NPHP4: variants seen among roughly 807,000 people sequenced by gnomAD.
NPHP4 encodes nephrocystin 4, also known as nephrocystin-4.
NPHP4 carries 151 observed loss-of-function variants against 155.8 expected under a neutral mutation model. That is an observed-to-expected ratio of 0.97 (90% CI 0.85 to 1.11). The LOEUF is 1.11. Ranked by LOEUF, NPHP4 falls within the 50% of genes least tolerant of loss-of-function variation. The probability of loss-of-function intolerance (pLI) is 0.00; values close to 1 mark genes in which losing one functional copy is unlikely to be tolerated. For missense variants in NPHP4, 1,956 were observed against 1,925.7 expected (o/e 1.02, Z -0.29); for synonymous variants, 845 against 816.8 (o/e 1.03, Z -0.59).
intron 1 of NPHP4, among the ~76,000 whole-genome samples, chr1:5,991,752 A>C (rs181483849): frequency 0.049 from 7,260 of 148,818 alleles, 274 homozygotes; most frequent in African/African-American, 0.11. Context: ...GGGAACTGAC[A>C]GCCGGAGCCG....
At chr1:5,985,709 G>A (rs1655372677) in intron 2 of NPHP4, among the ~76,000 whole-genome samples, 1 of 152,236 alleles carries the variant, frequency 6.6e-6, no homozygotes, top group Non-Finnish European at 1.5e-5. Context: ...TCCGAATACT[G>A]CCAAGGCCCA....
At chr1:5,863,846 C>G in intron 29 of NPHP4, 44 bp downstream of exon 29, 1 of 1,606,940 alleles carries the variant, frequency 6.2e-7, no homozygotes, top group Non-Finnish European at 8.5e-7. Context: ...CCATTCAGGT[C>G]CCCGGGTCTT....
chr1:5,874,236 A>G (rs974674711), intron 22 of NPHP4, among the ~76,000 whole-genome samples: 1 of 152,068 alleles, frequency 6.6e-6, no homozygotes, highest in Admixed American at 6.5e-5. Flanking sequence ...AGTAAAGAAA[A>G]TTAGGAGGAG....
In NPHP4 at chr1:5,867,886, C is replaced by A. The variant is rs747973596; in HGVS notation, c.3326G>T (p.Arg1109Leu). ...VPTKHAKVLF[R>L]ASGGKPIAVL... ...GGCGATGGGCTTGCCACCACTCGCT[C>A]GGAACAAGACCTGTGAGGAGGCCAC... Residue 1109 changes from arginine to leucine, a missense_variant, in exon 24 of 30, where the codon CGA (arginine) becomes CTA (leucine). By Grantham distance (102) the Arg-to-Leu change is moderately radical. Coordinates refer to ENST00000378156, the MANE Select transcript of NPHP4 (RefSeq NM_015102.5). This position sits in a 1 kb window ranked among gnomAD's most constrained non-coding sequence, Gnocchi z 4.1. 1 of 1,613,914 alleles carries A rather than the reference C, an allele frequency of 6.2e-7. No individual in the cohort carries two copies. The highest frequency in any genetic ancestry group is 8.5e-7 in the Non-Finnish European group (1 of 1,179,880).
At chr1:5,922,910 A>C (rs1232741190) in intron 11 of NPHP4, among the ~76,000 whole-genome samples, 1 of 152,150 alleles carries the variant, frequency 6.6e-6, no homozygotes, top group African/African-American at 2.4e-5. Context: ...AGGCGGGTGG[A>C]TTGCTTGAGC....
chr1:5,950,966 C>A (rs1475379991), intron 7 of NPHP4, among the ~76,000 whole-genome samples: 1 of 152,238 alleles, frequency 6.6e-6, no homozygotes, highest in Non-Finnish European at 1.5e-5. Context: ...CCACTGCAGA[C>A]AGCCTCCCAC....
At position 5,978,400 on chromosome 1, in the gene NPHP4, AC is replaced by A; in HGVS notation, c.148del (p.Val50TyrfsTer30). ...CAGATGGCATTCAACCTCTGACAGT[AC>A]CTCCAGCACGCCCTAGGAGACAACG... The part of the protein sequence containing the change: ...GPVIRQGVLE[V>X]LSEVECHLRV... On this transcript the variant is annotated frameshift_variant, in exon 3 of 30. Coordinates refer to ENST00000378156, the MANE Select transcript of NPHP4 (RefSeq NM_015102.5). LOFTEE classifies it high-confidence loss of function. 6.2e-7 allele frequency: 1 copy of A among 1,603,754 alleles called. No individual in the cohort carries two copies. The highest frequency in any genetic ancestry group is 8.5e-7 in the Non-Finnish European group (1 of 1,175,364).
At chr1:5,868,046 G>C (rs748169025) in intron 23 of NPHP4, 150 bp from the exon 24 acceptor site, 34 of 855,232 alleles carry the variant, frequency 4.0e-5, no homozygotes, top group Non-Finnish European at 6.5e-5. Flanking sequence ...ATCGTCAAAG[G>C]CAGGGACTGA....
Position 5,927,684 on chromosome 1 carries a change from C to T in NPHP4, c.1406G>A (p.Arg469Gln), listed in dbSNP as rs1320696639. ...TEPVSGPKVE[R>Q]RPSRKPPTSP... ...CGTGGGTGGTTTCCTGGAAGGCCGCCGCTCCACTTTGGGGCCACTGACAGG... is the reference window on the plus strand; with the variant it reads ...CGTGGGTGGTTTCCTGGAAGGCCGCTGCTCCACTTTGGGGCCACTGACAGG... The change falls in exon 11 of 30, where the codon CGG becomes CAG. Residue 469 changes from arginine to glutamine, a missense_variant. By Grantham distance (43) the Arg-to-Gln change is conservative (BLOSUM62 1). Transcript: ENST00000378156. The T allele has an allele frequency of 8.7e-6, 14 of 1,612,584 alleles. No homozygotes were observed. The highest frequency in any genetic ancestry group is 6.7e-5 in the Admixed American group (4 of 59,988).
chr1:5,952,694 C>A lies in NPHP4; in HGVS notation c.810+6G>T. 1 of 1,538,010 alleles carries A rather than the reference C, an allele frequency of 6.5e-7. No individual in the cohort carries two copies. The highest frequency in any genetic ancestry group is 8.8e-7 in the Non-Finnish European group (1 of 1,139,096). On this transcript the variant is annotated splice_donor_region_variant and intron_variant, in intron 7 of 29. Coordinates refer to ENST00000378156, the MANE Select transcript of NPHP4 (RefSeq NM_015102.5). Reference sequence around the variant, plus strand: ...CCTGCCCCCCATCACGCTTCTGACTCCACACCTCCTGGAAGTGGTCCTGGA... The same window carrying A: ...CCTGCCCCCCATCACGCTTCTGACTACACACCTCCTGGAAGTGGTCCTGGA...
At chr1:5,964,929 A>ATTTTT (rs1557850444) in intron 5 of NPHP4, among the ~76,000 whole-genome samples, 1 of 25,340 alleles carries the variant, frequency 3.9e-5, no homozygotes, top group African/African-American at 3.7e-4. Flanking sequence ...ATATATATAT[A>ATTTTT]TATATATATA....
chr1:5,874,337 G>A (rs908660724), intron 22 of NPHP4, 134 bp downstream of exon 22: 2 of 841,128 alleles, frequency 2.4e-6, no homozygotes, highest in Non-Finnish European at 3.5e-6. Flanking sequence ...TGAGCACCAA[G>A]GGGAGTGGGC....
At chr1:5,878,491 C>T (rs1055294705) in intron 19 of NPHP4, among the ~76,000 whole-genome samples, 9 of 152,236 alleles carry the variant, frequency 5.9e-5, no homozygotes, top group Admixed American at 5.2e-4. Context: ...AAATACCTCT[C>T]GTGGTCCCAA....
At chr1:5,943,399 T>C (rs755359281) in intron 9 of NPHP4, among the ~76,000 whole-genome samples, 1 of 152,178 alleles carries the variant, frequency 6.6e-6, no homozygotes, top group African/African-American at 2.4e-5. Flanking sequence ...TCAGCCCAGG[T>C]AGCCTCCTCG....
In NPHP4 at chr1:5,986,328, C is replaced by T; in HGVS notation, c.-38-1G>A. The stretch of plus-strand genomic sequence containing the variant: ...GGGTCCCGTGGGCTTCCCGGATGAT[C>T]TGTGCCAGTCGTATTCAAATAAAGA... On this transcript the variant is annotated splice_acceptor_variant, in intron 1 of 29. Coordinates refer to ENST00000378156, the MANE Select transcript of NPHP4 (RefSeq NM_015102.5). LOFTEE classifies it low-confidence loss of function (5UTR_SPLICE). 6.2e-7 allele frequency: 1 copy of T among 1,610,522 alleles called. No homozygotes were observed. Among genetic ancestry groups the T allele is most frequent in the Non-Finnish European group, 8.5e-7 (1 of 1,178,112 alleles).
intron 2 of NPHP4, among the ~76,000 whole-genome samples, chr1:5,980,055 G>A (rs1271533835): frequency 6.6e-6 from 1 of 151,980 alleles, no homozygotes; most frequent in Non-Finnish European, 1.5e-5. Context: ...AGACACCTCG[G>A]GCCATCCCTG....
chr1:5,983,114 G>C (rs1398029575), intron 2 of NPHP4, among the ~76,000 whole-genome samples: 2 of 152,188 alleles, frequency 1.3e-5, no homozygotes, highest in East Asian at 3.8e-4. Context: ...GTATTCTTCA[G>C]AGCTTCCAAA....
chr1:5,901,112 TG>T (rs901144953), intron 16 of NPHP4, among the ~76,000 whole-genome samples: 5 of 152,042 alleles, frequency 3.3e-5, no homozygotes, highest in African/African-American at 1.2e-4. Context: ...ACTGTTGGGG[TG>T]GGGGGAGGTC....
chr1:5,960,651 C>G (rs1269035564), intron 6 of NPHP4, among the ~76,000 whole-genome samples: 1 of 152,104 alleles, frequency 6.6e-6, no homozygotes, highest in Non-Finnish European at 1.5e-5. Flanking sequence ...TAGAAGGAGG[C>G]TGGTGTGTCC....
Sources: gnomAD v4.1 joint callset for allele counts (sites outside exome capture counted in the v4.1 genomes callset) on GRCh38, gnomAD v4.1.1 for gene constraint, Gnocchi (gnomAD v3.1) non-coding constraint, MANE v1.5 for transcripts, NCBI Gene and HGNC (gene_info 2026-07-23, HGNC 2026-07-21) for gene names.